The following RAI14 variants were observed in gnomAD, a reference collection of about 807,000 sequenced individuals.
The protein encoded by RAI14 is ankycorbin.
In RAI14, 45 loss-of-function variants were observed where a neutral mutation model predicts 115.4. The observed-to-expected ratio is 0.39, with a 90% CI of 0.31 to 0.50. RAI14 has a LOEUF of 0.50. Ranked by LOEUF, RAI14 falls within the 20% of genes least tolerant of loss-of-function variation. The probability of loss-of-function intolerance (pLI) is 0.85; values close to 1 mark genes in which losing one functional copy is unlikely to be tolerated. For missense variants in RAI14, 939 were observed against 1,131.2 expected (o/e 0.83, Z 2.44); for synonymous variants, 371 against 415.4 (o/e 0.89, Z 1.30).
chr5:34,736,211 G>T (rs1479954732), intron 2 of RAI14, among the ~76,000 whole-genome samples: 3 of 152,160 alleles, frequency 2.0e-5, no homozygotes, highest in African/African-American at 7.2e-5. Flanking sequence ...CACCAGGCTG[G>T]CCAACATGGC....
intron 1 of RAI14, among the ~76,000 whole-genome samples, chr5:34,667,856 T>G (rs761910603): frequency 2.6e-5 from 4 of 152,210 alleles, no homozygotes; most frequent in Non-Finnish European, 5.9e-5. Context: ...CAGGCTTTGT[T>G]GGTGAGCTCA....
chr5:34,679,695 G>A (rs1422104476), intron 1 of RAI14, among the ~76,000 whole-genome samples: 2 of 152,164 alleles, frequency 1.3e-5, no homozygotes, highest in Non-Finnish European at 2.9e-5. Context: ...GCTGCACAAG[G>A]ACAGCAGTAA....
chr5:34,717,975 C>T (rs1742200973), intron 2 of RAI14, among the ~76,000 whole-genome samples: 2 of 142,866 alleles, frequency 1.4e-5, no homozygotes, highest in Admixed American at 1.4e-4. Context: ...AATGTTTACT[C>T]AGTAGGACAT....
chr5:34,657,555 C>T (rs1276326637), intron 1 of RAI14, among the ~76,000 whole-genome samples: 4 of 152,210 alleles, frequency 2.6e-5, no homozygotes, highest in African/African-American at 9.6e-5. Context: ...GGGGAATCTG[C>T]GGACTCGAGG....
chr5:34,748,119 T>G (rs940547215), intron 2 of RAI14, among the ~76,000 whole-genome samples: 1 of 152,096 alleles, frequency 6.6e-6, no homozygotes, highest in African/African-American at 2.4e-5. Context: ...GAGGTGTTTA[T>G]GTATTATGTA....
At chr5:34,700,873 G>A (rs1739977188) in intron 2 of RAI14, among the ~76,000 whole-genome samples, 1 of 152,210 alleles carries the variant, frequency 6.6e-6, no homozygotes, top group Non-Finnish European at 1.5e-5. Context: ...TAGACCTTGT[G>A]TAGGCTAATT....
At position 34,823,679 on chromosome 5, in the gene RAI14, G is replaced by C. The variant is rs758047534; in HGVS notation, c.1837G>C (p.Asp613His). The C allele has an allele frequency of 5.6e-6, 9 of 1,613,978 alleles. No homozygotes were observed. In the East Asian group the frequency reaches 1.1e-4, roughly 20 times the overall value. Reference protein sequence around the residue: ...EAQEEIMKLKDTLKSQMTQEA... With the variant: ...EAQEEIMKLKHTLKSQMTQEA... ...CCAAGAAGAAATCATGAAATTAAAA[G>C]ACACACTAAAAAGTCAGATGACACA... The change falls in exon 15 of 18, where the codon GAC becomes CAC. Residue 613 changes from aspartate to histidine, a missense_variant. By Grantham distance (81) the Asp-to-His change is moderately conservative. Transcript: ENST00000265109. The surrounding 1 kb of genome is among the most constrained non-coding windows in gnomAD (Gnocchi z 4.5).
intron 2 of RAI14, chr5:34,687,937 T>C: frequency 1.1e-6 from 1 of 946,684 alleles, no homozygotes; most frequent in Non-Finnish European, 1.6e-6. Context: ...CATCATGACA[T>C]GTAACTTACT....
In RAI14 at chr5:34,831,975, A is replaced by G. The variant is rs1469461003; in HGVS notation, c.*1210A>G. 1 of 152,222 alleles carries G rather than the reference A, an allele frequency of 6.6e-6. No individual in the cohort carries two copies. The highest frequency in any genetic ancestry group is 1.5e-5 in the Non-Finnish European group (1 of 68,048). 9.4% of individuals were successfully genotyped at this position (152,222 alleles called of 1,614,324 possible). A position where few individuals can be genotyped will look rare whatever the true frequency, so the allele number is the denominator to read the frequency against. ...CAATCTGTTTTTCAACTTTGAAGCT[A>G]AAAACCCTGATATGGTAATATTATG... On this transcript the variant is annotated 3_prime_UTR_variant, in exon 18 of 18. Transcript: ENST00000265109.
chr5:34,674,587 T>G (rs111252821), intron 1 of RAI14, among the ~76,000 whole-genome samples: 1 of 112,432 alleles, frequency 8.9e-6, no homozygotes, highest in African/African-American at 6.7e-5. Context: ...GGATCTTTTG[T>G]TTTTTTTTTT....
At chr5:34,799,810 C>G (rs1330296084) in intron 4 of RAI14, among the ~76,000 whole-genome samples, 2 of 151,556 alleles carry the variant, frequency 1.3e-5, no homozygotes, top group African/African-American at 4.9e-5. Flanking sequence ...GCCTCAGCCT[C>G]CTGAGTAGCT....
chr5:34,685,569 A>AT, intron 1 of RAI14: 1 of 143,946 alleles, frequency 6.9e-6, no homozygotes, highest in Non-Finnish European at 1.5e-5. Flanking sequence ...AACTATTGAA[A>AT]TTAAAAAAAA....
chr5:34,756,615 A>T (rs1410289504), intron 2 of RAI14, among the ~76,000 whole-genome samples: 1 of 152,038 alleles, frequency 6.6e-6, no homozygotes, highest in African/African-American at 2.4e-5. Context: ...ACACCTCCCA[A>T]TGACTCTTCA....
intron 3 of RAI14, among the ~76,000 whole-genome samples, chr5:34,794,081 T>C (rs575077008): frequency 3.0e-4 from 46 of 152,326 alleles, no homozygotes; most frequent in African/African-American, 1.1e-3. Context: ...ATTATTGCAC[T>C]GCCAGTATAG....
rs567883122 is a variant in RAI14 at position 34,682,214 on chromosome 5, A to T, written c.-48-4658A>T. Reference sequence around the variant, plus strand: ...ATGTAATAGAGATTATTAAGCTTTTAAAAAAAAAACAGCTTTGTTGAGATA... The same window carrying T: ...ATGTAATAGAGATTATTAAGCTTTTTAAAAAAAAACAGCTTTGTTGAGATA... On this transcript the variant is annotated intron_variant, in intron 1 of 17. Coordinates refer to ENST00000265109, the MANE Select transcript of RAI14 (RefSeq NM_015577.3). Among the ~76,000 whole-genome samples the T allele has an allele frequency of 8.2e-4, 122 of 148,610 alleles. No homozygotes were observed. In the Middle Eastern group the frequency reaches 0.014, roughly 17 times the overall value.
At chr5:34,753,360 T>G (rs1434954670) in intron 2 of RAI14, among the ~76,000 whole-genome samples, 1 of 152,184 alleles carries the variant, frequency 6.6e-6, no homozygotes, top group Non-Finnish European at 1.5e-5. Context: ...GAGATTTTTT[T>G]TGATGCTTGG....
At position 34,827,044 on chromosome 5, in the gene RAI14, C is replaced by T. The variant is rs1372559129; in HGVS notation, c.2799+565C>T. Among the ~76,000 whole-genome samples, 1 of 152,190 alleles carries T rather than the reference C, an allele frequency of 6.6e-6. No homozygotes were observed. Among genetic ancestry groups the T allele is most frequent in the Non-Finnish European group, 1.5e-5 (1 of 68,034 alleles). On this transcript the variant is annotated intron_variant, in intron 16 of 17. Transcript: ENST00000265109. The surrounding 1 kb of genome is among the most constrained non-coding windows in gnomAD (Gnocchi z 4.2). ...AAAATCACTTTCACTGGACTAACTTCAAGTTGTTGGCAGGGCTGGTTCCTC... is the reference window on the plus strand; with the variant it reads ...AAAATCACTTTCACTGGACTAACTTTAAGTTGTTGGCAGGGCTGGTTCCTC...
At chr5:34,736,332 G>A (rs566888903) in intron 2 of RAI14, among the ~76,000 whole-genome samples, 33 of 152,292 alleles carry the variant, frequency 2.2e-4, no homozygotes, top group African/African-American at 6.7e-4. Context: ...CCCGGGTGGC[G>A]GAGGTTGCAG....
chr5:34,735,023 G>A (rs1006190709), intron 2 of RAI14, among the ~76,000 whole-genome samples: 4 of 152,126 alleles, frequency 2.6e-5, no homozygotes, highest in African/African-American at 7.2e-5. Context: ...TGCTAGAGGT[G>A]GAGCTGCTTA....
Sources: gnomAD v4.1 joint callset for allele counts (sites outside exome capture counted in the v4.1 genomes callset) on GRCh38, gnomAD v4.1.1 for gene constraint, Gnocchi (gnomAD v3.1) non-coding constraint, MANE v1.5 for transcripts, NCBI Gene and HGNC (gene_info 2026-07-23, HGNC 2026-07-21) for gene names.